Variants in HTT-AS observed in about 807,000 individuals in gnomAD.
HTT-AS encodes HTT antisense RNA.
exon 3 of HTT-AS, among the ~76,000 whole-genome samples, chr4:3,049,490 C>T (rs566145795): frequency 2.6e-5 from 4 of 152,280 alleles, no homozygotes; most frequent in East Asian, 3.9e-4. Context: ...TAGCAAAAGC[C>T]GTTCACATCA....
intron 1 of HTT-AS, among the ~76,000 whole-genome samples, chr4:3,073,682 CTG>C (rs1712261503): frequency 6.6e-6 from 1 of 152,222 alleles, no homozygotes; most frequent in African/African-American, 2.4e-5. Flanking sequence ...GGCGCCAGGC[CTG>C]TGGACACCGC....
chr4:3,065,409 T>A (rs1450924562), intron 1 of HTT-AS, among the ~76,000 whole-genome samples: 1 of 142,782 alleles, frequency 7.0e-6, no homozygotes, highest in East Asian at 2.0e-4. Context: ...CCCGGCTAAT[T>A]TTTTTTTGTA....
chr4:3,048,936 A>G (rs1244707354), downstream of HTT-AS, among the ~76,000 whole-genome samples: 1 of 152,228 alleles, frequency 6.6e-6, no homozygotes, highest in Non-Finnish European at 1.5e-5. Flanking sequence ...ATTACAGGCA[A>G]CATATGTCTC....
At chr4:3,068,352 C>A in intron 1 of HTT-AS, among the ~76,000 whole-genome samples, 1 of 142,410 alleles carries the variant, frequency 7.0e-6, no homozygotes, top group African/African-American at 2.6e-5. Context: ...AAGCTTCAAT[C>A]TCCTGAAAGG....
intron 2 of HTT-AS, among the ~76,000 whole-genome samples, chr4:3,055,364 G>C (rs537549058): frequency 6.6e-6 from 1 of 151,814 alleles, no homozygotes; most frequent in Non-Finnish European, 1.5e-5. Flanking sequence ...TTTTAACCCA[G>C]AGGGACTTTA....
At chr4:3,053,538 A>G (rs1711751081) in intron 2 of HTT-AS, among the ~76,000 whole-genome samples, 1 of 152,134 alleles carries the variant, frequency 6.6e-6, no homozygotes, top group Non-Finnish European at 1.5e-5. Context: ...GTCTCAAAAT[A>G]AAAATAAAAA....
downstream of HTT-AS, among the ~76,000 whole-genome samples, chr4:3,048,068 C>T (rs1019133922): frequency 2.6e-5 from 4 of 152,110 alleles, no homozygotes; most frequent in African/African-American, 7.2e-5. Flanking sequence ...GCCAGGCATT[C>T]GGGGCCACTA....
intron 2 of HTT-AS, among the ~76,000 whole-genome samples, chr4:3,058,464 A>C (rs925344499): frequency 6.6e-6 from 1 of 152,220 alleles, no homozygotes; most frequent in Non-Finnish European, 1.5e-5. Context: ...CTGTGAGAAC[A>C]ACCAGAGATC....
downstream of HTT-AS, among the ~76,000 whole-genome samples, chr4:3,047,172 G>A (rs918168451): frequency 6.6e-6 from 1 of 152,054 alleles, no homozygotes; most frequent in Non-Finnish European, 1.5e-5. Flanking sequence ...TTAGCCGGGC[G>A]TGGTGGCGTG....
At chr4:3,074,583 GC>G (rs1381980569), upstream of HTT-AS, 36 of 391,788 alleles carry the variant, frequency 9.2e-5, 4 homozygotes, top group East Asian at 2.4e-3. Flanking sequence ...GAGTCCGCAG[GC>G]TAGGGCTGTC....
At chr4:3,068,575 C>CG (rs1227244363) in intron 1 of HTT-AS, among the ~76,000 whole-genome samples, 1 of 151,082 alleles carries the variant, frequency 6.6e-6, no homozygotes, top group Non-Finnish European at 1.5e-5. Context: ...ATGGAAAATT[C>CG]GGGGGCCAAT....
In HTT-AS at chr4:3,068,724, G is replaced by A. The variant is rs1254400006; in HGVS notation, n.114-5024C>T. Reference sequence around the variant, plus strand: ...GGCTACAGTGAAATGGCACGGTCTCGGCTCACTGCAACCTCTGCCCCTTGG... The same window carrying A: ...GGCTACAGTGAAATGGCACGGTCTCAGCTCACTGCAACCTCTGCCCCTTGG... On this transcript the variant is annotated intron_variant and non_coding_transcript_variant, in intron 1 of 2. Coordinates refer to ENST00000664062, the Ensembl canonical transcript of HTT-AS. 2.0e-5 allele frequency among the ~76,000 whole-genome samples: 3 copies of A among 147,884 alleles called. No individual in the cohort carries two copies. The East Asian group carries it at 6.0e-4, about 29-fold the overall frequency.
At chr4:3,074,498 C>G (rs947399760) in exon 1 of HTT-AS, 3 of 256,386 alleles carry the variant, frequency 1.2e-5, no homozygotes, top group Non-Finnish European at 2.2e-5. Flanking sequence ...GGGCGCTGCG[C>G]TGTCAGCGGC....
At chr4:3,046,520 C>A (rs1409580068), downstream of HTT-AS, among the ~76,000 whole-genome samples, 4 of 152,238 alleles carry the variant, frequency 2.6e-5, no homozygotes, top group Admixed American at 1.3e-4. Context: ...TGGAGTCCTT[C>A]TCAGGCCATA....
At chr4:3,058,685 C>T (rs918007828) in intron 2 of HTT-AS, among the ~76,000 whole-genome samples, 14 of 151,998 alleles carry the variant, frequency 9.2e-5, no homozygotes, top group African/African-American at 2.9e-4. Flanking sequence ...CTGGTTCCAA[C>T]GCCTCTGACA....
At chr4:3,070,798 T>C (rs1712158463) in intron 1 of HTT-AS, among the ~76,000 whole-genome samples, 1 of 152,208 alleles carries the variant, frequency 6.6e-6, no homozygotes, top group Admixed American at 6.5e-5. Flanking sequence ...TTTCCATCTT[T>C]TGTCCTAAGT....
intron 1 of HTT-AS, among the ~76,000 whole-genome samples, chr4:3,067,312 G>A (rs1317093071): frequency 2.6e-5 from 4 of 152,136 alleles, no homozygotes; most frequent in African/African-American, 7.2e-5. Flanking sequence ...TTTCAAGGAC[G>A]GTGACTGAGA....
At chr4:3,066,419 C>A (rs191492888) in intron 1 of HTT-AS, among the ~76,000 whole-genome samples, 5 of 152,254 alleles carry the variant, frequency 3.3e-5, no homozygotes, top group Middle Eastern at 3.4e-3. Context: ...CTGTCCACCT[C>A]GGCCTCCCAA....
chr4:3,061,572 C>T (rs1159286630), intron 2 of HTT-AS, among the ~76,000 whole-genome samples: 1 of 151,244 alleles, frequency 6.6e-6, no homozygotes, highest in African/African-American at 2.4e-5. Flanking sequence ...ATCCCAGCTA[C>T]TCGGGAGGCT....
Sources: gnomAD v4.1 joint callset for allele counts (sites outside exome capture counted in the v4.1 genomes callset) on GRCh38, gnomAD v4.1.1 for gene constraint, MANE v1.5 for transcripts, NCBI Gene and HGNC (gene_info 2026-07-23, HGNC 2026-07-21) for gene names.